GPR39: variants seen among roughly 807,000 people sequenced by gnomAD.
GPR39 encodes the protein zinc sensing receptor.
A neutral mutation model predicts 18.4 loss-of-function variants in GPR39; 23 were observed. That is an observed-to-expected ratio of 1.25 (90% CI 0.90 to 1.77). The LOEUF is 1.77. Ranked by LOEUF, GPR39 falls within the 40% of genes most tolerant of loss-of-function variation. GPR39 has a pLI of 0.00. For missense variants in GPR39, 647 were observed against 602.4 expected, an observed-to-expected ratio of 1.07 and a Z score of -0.78; for synonymous variants, 280 against 257.9, an observed-to-expected ratio of 1.09 and a Z score of -0.82.
intron 1 of GPR39, among the ~76,000 whole-genome samples, chr2:132,581,903 T>C (rs1680629610): frequency 6.6e-6 from 1 of 152,204 alleles, no homozygotes; most frequent in African/African-American, 2.4e-5. Flanking sequence ...CCAGTTTTAC[T>C]GAATCTTTCT....
At chr2:132,505,949 T>C (rs1679127760) in intron 1 of GPR39, among the ~76,000 whole-genome samples, 1 of 152,222 alleles carries the variant, frequency 6.6e-6, no homozygotes, top group South Asian at 2.1e-4. Context: ...ATGGTAGTTC[T>C]AATTTTAGTT....
chr2:132,614,534 C>T (rs2104853530), intron 1 of GPR39, among the ~76,000 whole-genome samples: 3 of 152,038 alleles, frequency 2.0e-5, no homozygotes, highest in Middle Eastern at 6.8e-3. Context: ...CCACCGCACC[C>T]AGCCAGCCAA....
chr2:132,542,495 TATG>T (rs535045818), intron 1 of GPR39, among the ~76,000 whole-genome samples: 115 of 152,280 alleles, frequency 7.6e-4, no homozygotes, highest in African/African-American at 2.7e-3. Flanking sequence ...GAAAATATAT[TATG>T]AGCCTGCTAT....
chr2:132,603,196 A>G (rs577797434), intron 1 of GPR39, among the ~76,000 whole-genome samples: 1 of 152,216 alleles, frequency 6.6e-6, no homozygotes, highest in Non-Finnish European at 1.5e-5. Context: ...ATGGAATACT[A>G]TTTAGCTACA....
At chr2:132,638,363 C>T (rs78280638) in intron 1 of GPR39, among the ~76,000 whole-genome samples, 2,357 of 152,328 alleles carry the variant, frequency 0.015, 65 homozygotes, top group African/African-American at 0.054. Context: ...TCAATTTATG[C>T]TTCTCTTAGA....
chr2:132,419,808 G>A (rs1239191191), intron 1 of GPR39, among the ~76,000 whole-genome samples: 1 of 152,146 alleles, frequency 6.6e-6, no homozygotes, highest in African/African-American at 2.4e-5. Context: ...GCATTAGCAA[G>A]TGGTCTTCAA....
chr2:132,494,741 C>CT lies in GPR39; in HGVS notation c.856+76850dup, dbSNP rs77379392. Among the ~76,000 whole-genome samples, 2,053 of 152,212 alleles carry CT rather than the reference C, an allele frequency of 0.013. 150 individuals carry two copies. In the East Asian group the frequency reaches 0.2, roughly 15 times the overall value. On this transcript the variant is annotated intron_variant, in intron 1 of 1. Coordinates refer to ENST00000329321, the MANE Select transcript of GPR39 (RefSeq NM_001508.3). The stretch of plus-strand genomic sequence containing the variant: ...CATTCAACACACCACTAACTTTGAG[C>CT]TTTTTTTATCCTCATCTTATTTTCC...
Position 132,417,596 on chromosome 2 carries a change from G to A in GPR39, c.554G>A (p.Ser185Asn), listed in dbSNP as rs1679930602. The change falls in exon 1 of 2, where the codon AGC (serine) becomes AAC (asparagine). Residue 185 changes from serine to asparagine, a missense_variant. By Grantham distance (46) the Ser-to-Asn change is conservative (BLOSUM62 1). Transcript: ENST00000329321. ...GAGTACCCCCTGGTGAACGTGCCCAGCCACCGGGGTCTCACTTGCAACCGC... is the reference window on the plus strand; with the variant it reads ...GAGTACCCCCTGGTGAACGTGCCCAACCACCGGGGTCTCACTTGCAACCGC... The part of the protein sequence containing the change: ...GTEYPLVNVP[S>N]HRGLTCNRSS... The A allele has an allele frequency of 6.2e-7, 1 of 1,614,096 alleles. No homozygotes were observed.
At chr2:132,575,184 T>C (rs1680508429) in intron 1 of GPR39, among the ~76,000 whole-genome samples, 1 of 152,238 alleles carries the variant, frequency 6.6e-6, no homozygotes, top group Admixed American at 6.5e-5. Flanking sequence ...GTATGGTTTA[T>C]TGTAGTTTTA....
rs564496427 is a variant in GPR39, at chr2:132,520,111, G to A, written c.856+102213G>A. 2.6e-5 allele frequency among the ~76,000 whole-genome samples: 4 copies of A among 151,672 alleles called. No individual in the cohort carries two copies. In the South Asian group the frequency reaches 6.3e-4, roughly 24 times the overall value. On this transcript the variant is annotated intron_variant, in intron 1 of 1. Transcript: ENST00000329321. ...TTATAATTTATATTCTTACAACTCC[G>A]ACCCACATTCCTGTAATCATTCCTT...
At chr2:132,478,938 C>CT (rs201697126) in intron 1 of GPR39, among the ~76,000 whole-genome samples, 1,666 of 144,204 alleles carry the variant, frequency 0.012, 32 homozygotes, top group African/African-American at 0.038. Flanking sequence ...GCATTCAAAG[C>CT]TTTTTTTTTT....
At chr2:132,583,856 G>A (rs917737455) in intron 1 of GPR39, among the ~76,000 whole-genome samples, 6 of 151,712 alleles carry the variant, frequency 4.0e-5, no homozygotes. Flanking sequence ...ATGAGCCTGG[G>A]ATTCTTCACA....
chr2:132,518,673 A>T (rs1272903865), intron 1 of GPR39, among the ~76,000 whole-genome samples: 1 of 152,230 alleles, frequency 6.6e-6, no homozygotes, highest in Non-Finnish European at 1.5e-5. Context: ...CAAACCACAT[A>T]CATAATATAA....
chr2:132,487,721 G>T (rs1475196548), intron 1 of GPR39, among the ~76,000 whole-genome samples: 3 of 152,014 alleles, frequency 2.0e-5, no homozygotes, highest in African/African-American at 7.2e-5. Context: ...ATAAATCTAA[G>T]GAAAGTATAC....
At chr2:132,591,257 C>CAAAAAAAAAA (rs747314988) in intron 1 of GPR39, among the ~76,000 whole-genome samples, 7 of 24,530 alleles carry the variant, frequency 2.9e-4, no homozygotes, top group South Asian at 2.0e-3. Context: ...GACTCCGTCT[C>CAAAAAAAAAA]AAAAAAAAAA....
chr2:132,482,468 T>C (rs1681253073), intron 1 of GPR39, among the ~76,000 whole-genome samples: 1 of 152,188 alleles, frequency 6.6e-6, no homozygotes, highest in Non-Finnish European at 1.5e-5. Flanking sequence ...GAGCTCGAGC[T>C]GGGCTGGCAC....
At chr2:132,525,689 G>A (rs957506619) in intron 1 of GPR39, among the ~76,000 whole-genome samples, 2 of 152,220 alleles carry the variant, frequency 1.3e-5, no homozygotes, top group African/African-American at 4.8e-5. Context: ...TACAGCAAGT[G>A]CTCACTGTGT....
At chr2:132,575,986 G>A (rs1203618812) in intron 1 of GPR39, among the ~76,000 whole-genome samples, 1 of 152,174 alleles carries the variant, frequency 6.6e-6, no homozygotes, top group East Asian at 1.9e-4. Context: ...GAACCAGGAA[G>A]TGGGCCCTCA....
intron 1 of GPR39, among the ~76,000 whole-genome samples, chr2:132,507,690 C>G (rs893654084): frequency 2.6e-5 from 4 of 152,172 alleles, no homozygotes; most frequent in Non-Finnish European, 4.4e-5. Context: ...CACAGACCGC[C>G]CATACCTCTG....
Sources: allele counts gnomAD v4.1 joint callset (sites outside exome capture counted in the v4.1 genomes callset), GRCh38; gene constraint gnomAD v4.1.1; transcripts MANE v1.5; gene names NCBI Gene and HGNC (gene_info 2026-07-23, HGNC 2026-07-21).